Variants in POGLUT3 observed in about 807,000 individuals in gnomAD.
POGLUT3 encodes the protein KDEL (Lys-Asp-Glu-Leu) containing 2.
A neutral mutation model predicts 54.3 loss-of-function variants in POGLUT3; 48 were observed. The observed-to-expected ratio is 0.88, with a 90% CI of 0.70 to 1.12. The LOEUF (loss-of-function observed/expected upper bound fraction) is 1.12, where lower values mean the gene tolerates loss of function less well. Ranked by LOEUF, POGLUT3 falls within the 50% of genes most tolerant of loss-of-function variation. POGLUT3 has a pLI of 0.00. For synonymous variants in POGLUT3, 218 were observed against 237.4 expected (o/e 0.92, Z 0.75); for missense variants, 629 against 618.7 (o/e 1.02, Z -0.18).
At chr11:108,478,296 A>G (rs2093586048) in intron 6 of POGLUT3, among the ~76,000 whole-genome samples, 1 of 151,904 alleles carries the variant, frequency 6.6e-6, no homozygotes, top group South Asian at 2.1e-4. Flanking sequence ...CTAGGAAGCC[A>G]CTCCTTCTCC....
At position 108,486,310 on chromosome 11, in the gene POGLUT3, T is replaced by C; in HGVS notation, c.531A>G (p.Gln177=). The C allele has an allele frequency of 3.7e-6, 6 of 1,614,148 alleles. No individual in the cohort carries two copies. The highest frequency in any genetic ancestry group is 5.1e-6 in the Non-Finnish European group (6 of 1,180,020). The change falls in exon 3 of 8, where the codon CAA becomes CAG. Residue 177 remains glutamine (Q), a synonymous_variant. Transcript: ENST00000323468. ...ACCTTTTGGGGACTTCTTTTAGCATTTGCTGGAGATTGATGCTGGGAAAGG... is the reference window on the plus strand; with the variant it reads ...ACCTTTTGGGGACTTCTTTTAGCATCTGCTGGAGATTGATGCTGGGAAAGG... The part of the protein sequence containing the change: ...FASFPSINLQ[Q]MLKEVPKRFG...
intron 2 of POGLUT3, among the ~76,000 whole-genome samples, chr11:108,489,601 TAACTA>T (rs2093609511): frequency 6.6e-6 from 1 of 152,058 alleles, no homozygotes; most frequent in Non-Finnish European, 1.5e-5. Flanking sequence ...CCTATAACTA[TAACTA>T]GAGACAATGT....
At position 108,486,311 on chromosome 11, in the gene POGLUT3, T is replaced by A. The variant is rs2093603230; in HGVS notation, c.530A>T (p.Gln177Leu). The A allele has an allele frequency of 6.2e-7, 1 of 1,614,056 alleles. No individual in the cohort carries two copies. The highest frequency in any genetic ancestry group is 1.1e-5 in the South Asian group (1 of 91,086). ...FASFPSINLQ[Q>L]MLKEVPKRFG... is the part of the protein sequence containing the mutation. ...CCTTTTGGGGACTTCTTTTAGCATT[T>A]GCTGGAGATTGATGCTGGGAAAGGA... is the stretch of plus-strand genomic sequence containing the variant. Residue 177 changes from glutamine to leucine, a missense_variant, in exon 3 of 8, where the codon CAA becomes CTA. Coordinates refer to ENST00000323468, the MANE Select transcript of POGLUT3 (RefSeq NM_153705.5).
chr11:108,477,734 A>G lies in POGLUT3; in HGVS notation c.1294-23T>C, dbSNP rs1204832465. The G allele has an allele frequency of 3.4e-6, 5 of 1,473,492 alleles. No homozygotes were observed. The South Asian group carries it at 5.7e-5, about 17-fold the overall frequency. The allele number at this position is 1,473,492 out of a possible 1,614,324, so 91.3% of individuals were successfully genotyped here. A position where few individuals can be genotyped will look rare whatever the true frequency, so the allele number is the denominator to read the frequency against. On this transcript the variant is annotated intron_variant, in intron 6 of 7. Transcript: ENST00000323468. ...TTCCTGAAAGGTTAAAAAAAATAAAAATGAATGAAAATTACTACTGCGACC... is the reference window on the plus strand; with the variant it reads ...TTCCTGAAAGGTTAAAAAAAATAAAGATGAATGAAAATTACTACTGCGACC...
At chr11:108,478,263 T>G (rs1385685926) in intron 6 of POGLUT3, 4 of 153,006 alleles carry the variant, frequency 2.6e-5, no homozygotes, top group Admixed American at 6.5e-5. Context: ...AACGATCACA[T>G]GTTTGGCCCC....
chr11:108,488,255 C>A (rs1375474151), intron 2 of POGLUT3, among the ~76,000 whole-genome samples: 1 of 151,942 alleles, frequency 6.6e-6, no homozygotes, highest in African/African-American at 2.4e-5. Context: ...GAACTCCTGA[C>A]CTCAAGTGAT....
intron 1 of POGLUT3, among the ~76,000 whole-genome samples, chr11:108,494,669 T>G (rs1156902074): frequency 6.6e-6 from 1 of 152,212 alleles, no homozygotes; most frequent in Non-Finnish European, 1.5e-5. Flanking sequence ...CAAGCCATAG[T>G]ATAAAACACT....
intron 1 of POGLUT3, among the ~76,000 whole-genome samples, chr11:108,494,691 C>T (rs980344814): frequency 1.3e-5 from 2 of 152,200 alleles, no homozygotes; most frequent in African/African-American, 2.4e-5. Flanking sequence ...AAGTACTACA[C>T]AGCCAGGAGG....
Position 108,477,709 on chromosome 11 carries a change from T to G in POGLUT3, c.1296A>C (p.Glu432Asp). ...DLLEKVKWAK[E>D]NDEEAKKIAK... ...CAATCTTCTTGGCTTCTTCATCATT[T>G]TCCTGAAAGGTTAAAAAAAATAAAA... The change falls in exon 7 of 8, where the codon GAA (glutamate) becomes GAC (aspartate). Residue 432 changes from glutamate to aspartate, a missense_variant and splice_region_variant. Transcript: ENST00000323468. 1 of 1,600,216 alleles carries G rather than the reference T, an allele frequency of 6.2e-7. No homozygotes were observed. The highest frequency in any genetic ancestry group is 8.6e-7 in the Non-Finnish European group (1 of 1,167,844).
chr11:108,494,678 C>G (rs1473547865), intron 1 of POGLUT3, among the ~76,000 whole-genome samples: 3 of 152,260 alleles, frequency 2.0e-5, no homozygotes, highest in African/African-American at 7.2e-5. Flanking sequence ...GTATAAAACA[C>G]TAAAGTACTA....
In POGLUT3 at chr11:108,481,681, A is replaced by G; in HGVS notation, c.902-305T>C. Among the ~76,000 whole-genome samples, 2 of 152,144 alleles carry G rather than the reference A, an allele frequency of 1.3e-5. 1 individual carries two copies. The highest frequency in any genetic ancestry group is 1.3e-4 in the Admixed American group (2 of 15,266). On this transcript the variant is annotated intron_variant, in intron 4 of 7. Coordinates refer to ENST00000323468, the MANE Select transcript of POGLUT3 (RefSeq NM_153705.5). ...CGCAAGTATTCGTGTATTCTGTTGTATAATACTAGGAAATACCTGAAATAA... is the reference window on the plus strand; with the variant it reads ...CGCAAGTATTCGTGTATTCTGTTGTGTAATACTAGGAAATACCTGAAATAA...
At chr11:108,489,276 G>A (rs574335255) in intron 2 of POGLUT3, among the ~76,000 whole-genome samples, 1 of 152,308 alleles carries the variant, frequency 6.6e-6, no homozygotes, top group African/African-American at 2.4e-5. Context: ...ATCCTTGAAG[G>A]TAAGGTGGAA....
chr11:108,475,615 G>A (rs939482174), intron 7 of POGLUT3, among the ~76,000 whole-genome samples: 6 of 151,646 alleles, frequency 4.0e-5, no homozygotes, highest in Admixed American at 1.3e-4. Flanking sequence ...CTACAGGCGC[G>A]TACCACCATG....
At chr11:108,483,444 A>C (rs3931847) in intron 3 of POGLUT3, among the ~76,000 whole-genome samples, 151,639 of 152,308 alleles carry the variant, frequency 1, 75,492 homozygotes, top group Middle Eastern at 1. Flanking sequence ...TAGGTACTTA[A>C]TTCTCTTGAG....
In POGLUT3 at chr11:108,491,088, G is replaced by A; in HGVS notation, c.282C>T (p.Asp94=). The A allele has an allele frequency of 6.2e-7, 1 of 1,613,904 alleles. No individual in the cohort carries two copies. The highest frequency in any genetic ancestry group is 8.5e-7 in the Non-Finnish European group (1 of 1,179,872). ...TCATCAAAAATGTTCCATCATTCCTGTCCAAAGGTTTAGGGACATGTATCC... is the reference window on the plus strand; with the variant it reads ...TCATCAAAAATGTTCCATCATTCCTATCCAAAGGTTTAGGGACATGTATCC... ...LVRIHVPKPL[D]RNDGTFLMRY... is the part of the protein sequence containing the mutation. Residue 94 remains aspartate, a synonymous_variant, in exon 2 of 8, where the codon GAC becomes GAT. Coordinates refer to ENST00000323468, the MANE Select transcript of POGLUT3 (RefSeq NM_153705.5).
intron 1 of POGLUT3, among the ~76,000 whole-genome samples, 156 bp downstream of exon 1, chr11:108,498,009 G>A (rs796948550): frequency 5.9e-5 from 9 of 152,314 alleles, no homozygotes; most frequent in African/African-American, 2.2e-4. Context: ...CCCGCTTTGA[G>A]TATGGGCGGG....
intron 2 of POGLUT3, among the ~76,000 whole-genome samples, chr11:108,490,616 G>A (rs1311903526): frequency 6.6e-6 from 1 of 151,884 alleles, no homozygotes; most frequent in Non-Finnish European, 1.5e-5. Context: ...AGTTTTTTCA[G>A]ACATTCAAAA....
At chr11:108,484,854 A>G (rs1392779038) in intron 3 of POGLUT3, among the ~76,000 whole-genome samples, 1 of 152,192 alleles carries the variant, frequency 6.6e-6, no homozygotes, top group East Asian at 1.9e-4. Context: ...ACCCTGTATG[A>G]TCAGAAACAA....
intron 4 of POGLUT3, 146 bp from the exon 5 acceptor site, chr11:108,481,522 G>C (rs1402485601): frequency 3.4e-6 from 2 of 580,748 alleles, no homozygotes; most frequent in Non-Finnish European, 5.4e-6. Context: ...TTATTTCAAC[G>C]AAAATATGGG....
Sources: allele counts gnomAD v4.1 joint callset (sites outside exome capture counted in the v4.1 genomes callset), GRCh38; gene constraint gnomAD v4.1.1; transcripts MANE v1.5; gene names NCBI Gene and HGNC (gene_info 2026-07-23, HGNC 2026-07-21).